Variants in TGM2 observed in about 807,000 individuals in gnomAD.
TGM2 encodes transglutaminase 2.
TGM2 carries 53 observed loss-of-function variants against 75.6 expected under a neutral mutation model. The observed-to-expected ratio is 0.70, with a 90% CI of 0.56 to 0.88. The LOEUF (loss-of-function observed/expected upper bound fraction) is 0.88, where lower values mean the gene tolerates loss of function less well. Ranked by LOEUF, TGM2 falls within the 40% of genes least tolerant of loss-of-function variation. The pLI is 0.00. For synonymous variants in TGM2, 374 were observed against 381.1 expected, an observed-to-expected ratio of 0.98 and a Z score of 0.22; for missense variants, 842 against 928.5, an observed-to-expected ratio of 0.91 and a Z score of 1.21.
intron 3 of TGM2, among the ~76,000 whole-genome samples, chr20:38,153,731 C>T (rs1416935936): frequency 1.3e-5 from 2 of 151,978 alleles, no homozygotes; most frequent in African/African-American, 2.4e-5. Context: ...AGGAGGTGAG[C>T]CCCCGCAAAA....
At chr20:38,132,629 G>T in intron 10 of TGM2, 129 bp from the exon 11 acceptor site, 1 of 1,299,744 alleles carries the variant, frequency 7.7e-7, no homozygotes, top group Non-Finnish European at 1.1e-6. Context: ...TGGCTGGGCG[G>T]ATCCCTGAAC....
At chr20:38,146,497 T>G (rs1315249462) in intron 6 of TGM2, 2 of 669,956 alleles carry the variant, frequency 3.0e-6, no homozygotes, top group African/African-American at 1.8e-5. Flanking sequence ...CCTGAGCCCA[T>G]GCAGTCTCTC....
At chr20:38,149,159 T>G (rs1210085516) in intron 4 of TGM2, among the ~76,000 whole-genome samples, 4 of 152,176 alleles carry the variant, frequency 2.6e-5, no homozygotes, top group Non-Finnish European at 4.4e-5. Flanking sequence ...TTCACTTGCA[T>G]AGTTCCCTTG....
chr20:38,139,744 A>C (rs2074948241), intron 8 of TGM2, 90 bp from the exon 9 acceptor site: 6 of 1,550,400 alleles, frequency 3.9e-6, no homozygotes, highest in Non-Finnish European at 5.3e-6. Context: ...ACATGTAGCC[A>C]AAAACCTCAA....
At chr20:38,139,302 G>A in intron 9 of TGM2, 110 bp downstream of exon 9, 6 of 1,513,262 alleles carry the variant, frequency 4.0e-6, no homozygotes, top group South Asian at 1.2e-5. Context: ...GGCCATTGCT[G>A]TACGTAGGCT....
chr20:38,154,349 C>T (rs574253827), intron 3 of TGM2, among the ~76,000 whole-genome samples: 59 of 152,196 alleles, frequency 3.9e-4, no homozygotes, highest in Non-Finnish European at 7.3e-4. Context: ...GAGGGACACC[C>T]GATTCCCAGG....
At chr20:38,150,156 A>T (rs1170122522) in intron 4 of TGM2, among the ~76,000 whole-genome samples, 1 of 152,200 alleles carries the variant, frequency 6.6e-6, no homozygotes, top group African/African-American at 2.4e-5. Context: ...TGGCTGGATG[A>T]TAAATGAAAT....
intron 5 of TGM2, among the ~76,000 whole-genome samples, chr20:38,147,146 G>A (rs560279437): frequency 6.6e-6 from 1 of 152,224 alleles, no homozygotes; most frequent in African/African-American, 2.4e-5. Context: ...CGATACTGGG[G>A]ATGTGACTCT....
chr20:38,130,187 G>A lies in TGM2; in HGVS notation c.*32C>T, dbSNP rs1344698087. On this transcript the variant is annotated 3_prime_UTR_variant, in exon 13 of 13. Transcript: ENST00000361475. ...TGGGATAAGGATTGGGATCAAGGTG[G>A]GGGCTCTCAGCAGGCTGGGAGCAGG... 1.2e-6 allele frequency: 2 copies of A among 1,612,264 alleles called. No homozygotes were observed. Among genetic ancestry groups the A allele is most frequent in the Non-Finnish European group, 1.7e-6 (2 of 1,179,558 alleles).
At chr20:38,166,431 G>A (rs887618212), upstream of TGM2, 2 of 150,486 alleles carry the variant, frequency 1.3e-5, no homozygotes, top group Non-Finnish European at 3.0e-5. Flanking sequence ...AGGACTTCTC[G>A]AACCTGGCAA....
chr20:38,135,874 A>C (rs892651421), intron 10 of TGM2, among the ~76,000 whole-genome samples: 1 of 152,088 alleles, frequency 6.6e-6, no homozygotes, highest in Non-Finnish European at 1.5e-5. Context: ...CCTCCTGAGC[A>C]CGCATCCTCT....
At chr20:38,136,488 G>A (rs1005986955) in intron 10 of TGM2, among the ~76,000 whole-genome samples, 3 of 152,208 alleles carry the variant, frequency 2.0e-5, no homozygotes, top group Non-Finnish European at 4.4e-5. Flanking sequence ...TGCCTACTGT[G>A]TGCACACTCT....
chr20:38,162,355 C>A (rs2075264840), intron 1 of TGM2, among the ~76,000 whole-genome samples: 1 of 152,138 alleles, frequency 6.6e-6, no homozygotes, highest in Non-Finnish European at 1.5e-5. Context: ...TGGTACAGGT[C>A]AATTACATGG....
chr20:38,155,205 C>G (rs1359383680), intron 3 of TGM2, among the ~76,000 whole-genome samples: 1 of 152,222 alleles, frequency 6.6e-6, no homozygotes, highest in Non-Finnish European at 1.5e-5. Context: ...GCTGGGCACC[C>G]TATTCCTGAT....
At position 38,165,251 on chromosome 20, in the gene TGM2, G is replaced by T; in HGVS notation, c.-53C>A. The T allele has an allele frequency of 3.1e-6, 5 of 1,610,700 alleles. No homozygotes were observed. The highest frequency in any genetic ancestry group is 4.2e-6 in the Non-Finnish European group (5 of 1,179,610). On this transcript the variant is annotated 5_prime_UTR_variant, in exon 1 of 13. Transcript: ENST00000361475. ...ACTGGCGGCGAGACCCTCCAAGTGC[G>T]ACCACTGGCGGCTGGCACTGCCGAG...
In TGM2 at chr20:38,138,289, C is replaced by A; in HGVS notation, c.1439G>T (p.Gly480Val). The A allele has an allele frequency of 6.2e-7, 1 of 1,614,116 alleles. No homozygotes were observed. Among genetic ancestry groups the A allele is most frequent in the Non-Finnish European group, 8.5e-7 (1 of 1,180,016 alleles). Residue 480 changes from glycine to valine, a missense_variant, in exon 10 of 13, where the codon GGC (glycine) becomes GTC (valine). By Grantham distance (109) the Gly-to-Val change is moderately radical. Transcript: ENST00000361475. ...GTCACTGCCCATGTTCATGCTCTGG[C>A]CCACACGGATCCGCATGGCCATCCC... ...ETGMAMRIRV[G>V]QSMNMGSDFD...
chr20:38,136,883 A>G (rs1051329834), intron 10 of TGM2, among the ~76,000 whole-genome samples: 4 of 152,196 alleles, frequency 2.6e-5, no homozygotes, highest in Non-Finnish European at 5.9e-5. Context: ...GAAGATAACC[A>G]GGCACAGTGA....
Position 38,156,112 on chromosome 20 carries a change from C to T in TGM2, c.191-23G>A, listed in dbSNP as rs200816224. ...GGCCTGTGGAGGGAGAAGCAGTAGC[C>T]GTGAGCTAGGGGTAGCAGGGCTGGC... On this transcript the variant is annotated intron_variant, in intron 2 of 12. Coordinates refer to ENST00000361475, the MANE Select transcript of TGM2 (RefSeq NM_004613.4). The T allele has an allele frequency of 4.0e-4, 639 of 1,608,392 alleles. 4 individuals are homozygous for T. The highest frequency in any genetic ancestry group is 2.3e-4 in the Admixed American group (14 of 59,934).
rs1347048564 is a variant in TGM2 at position 38,141,310 on chromosome 20, C to T, written c.1071G>A (p.Leu357=). ...LQPGYEGWQA[L]DPTPQEKSEG... is the part of the protein sequence containing the mutation. ...CGCTCTTCTCCTGGGGCGTTGGGTC[C>T]AGGGCCTGCCAGCCCTCGTACCCCG... The change falls in exon 8 of 13, where the codon CTG becomes CTA. Residue 357 remains leucine, a synonymous_variant. Transcript: ENST00000361475. 1.9e-6 allele frequency: 3 copies of T among 1,585,604 alleles called. No homozygotes were observed. In the African/African-American group the frequency reaches 4.0e-5, roughly 21 times the overall value.
Sources: gnomAD v4.1 joint callset for allele counts (sites outside exome capture counted in the v4.1 genomes callset) on GRCh38, gnomAD v4.1.1 for gene constraint, MANE v1.5 for transcripts, NCBI Gene and HGNC (gene_info 2026-07-23, HGNC 2026-07-21) for gene names.